PLEKHG5: variants seen among roughly 807,000 people sequenced by gnomAD.
PLEKHG5 encodes the protein pleckstrin homology and RhoGEF domain containing G5.
PLEKHG5 carries 52 observed loss-of-function variants against 103.8 expected under a neutral mutation model. The observed-to-expected ratio is 0.50, with a 90% CI of 0.40 to 0.63. PLEKHG5 has a LOEUF of 0.63. Among genes scored for constraint, PLEKHG5 ranks in the 30% least tolerant of loss-of-function variants. The pLI, the probability that PLEKHG5 is intolerant of heterozygous loss-of-function variation, is 0.00. For missense variants in PLEKHG5, 1,205 were observed against 1,347.6 expected, an observed-to-expected ratio of 0.89 and a Z score of 1.66; for synonymous variants, 592 against 575.5, an observed-to-expected ratio of 1.03 and a Z score of -0.41.
intron 19 of PLEKHG5, 51 bp downstream of exon 19, chr1:6,468,991 C>G (rs773172137): frequency 6.8e-7 from 1 of 1,479,846 alleles, no homozygotes; most frequent in South Asian, 1.1e-5. Context: ...GAGTCCTGGG[C>G]TAGAGTACTT....
rs756844974 is a variant in PLEKHG5, at chr1:6,491,279, C to T, written c.-88+358G>A. ...TTCAGGTCCACCAACCTGTTCCGCA[C>T]TTTCAAGCTTTTTATACAGCCTTCC... is the stretch of plus-strand genomic sequence containing the variant. On this transcript the variant is annotated intron_variant, in intron 1 of 20. Coordinates refer to ENST00000377728, the MANE Select transcript of PLEKHG5 (RefSeq NM_020631.6). This position sits in a 1 kb window ranked among gnomAD's most constrained non-coding sequence, Gnocchi z 4.1. 5.9e-5 allele frequency among the ~76,000 whole-genome samples: 9 copies of T among 152,132 alleles called. No individual in the cohort carries two copies. The highest frequency in any genetic ancestry group is 1.3e-4 in the Non-Finnish European group (9 of 68,022).
upstream of PLEKHG5, among the ~76,000 whole-genome samples, chr1:6,500,602 C>CT (rs1302247963): frequency 1.4e-5 from 2 of 148,036 alleles, no homozygotes; most frequent in Non-Finnish European, 3.0e-5. Flanking sequence ...CTCCCCTAAG[C>CT]AGACCTAGAA....
At chr1:6,473,884 C>A (rs1644672787) in intron 7 of PLEKHG5, 129 bp downstream of exon 7, 3 of 937,006 alleles carry the variant, frequency 3.2e-6, no homozygotes, top group Non-Finnish European at 4.8e-6. Flanking sequence ...ACCCCATTTT[C>A]CAGAAGGGAC....
chr1:6,485,096 G>C (rs1301329424), intron 1 of PLEKHG5, among the ~76,000 whole-genome samples: 1 of 152,162 alleles, frequency 6.6e-6, no homozygotes, highest in African/African-American at 2.4e-5. Context: ...CCAAGAATTG[G>C]CGGGGACATC....
At position 6,470,756 on chromosome 1, in the gene PLEKHG5, G is replaced by C; in HGVS notation, c.1521C>G (p.Ala507=). The C allele has an allele frequency of 1.3e-6, 2 of 1,562,366 alleles. No homozygotes were observed. The highest frequency in any genetic ancestry group is 2.3e-5 in the South Asian group (2 of 85,412). The change falls in exon 14 of 21, where the codon GCC becomes GCG. Residue 507 remains alanine (A), a synonymous_variant. Coordinates refer to ENST00000377728, the MANE Select transcript of PLEKHG5 (RefSeq NM_020631.6). Reference sequence around the variant, plus strand: ...TTACCATGGCGACGACGGCCTCCTTGGCGCGCGGCTCCTCGGTCTTCCTCA... The same window carrying C: ...TTACCATGGCGACGACGGCCTCCTTCGCGCGCGGCTCCTCGGTCTTCCTCA... ...SVLRKTEEPR[A]KEAVVAMIGS...
intron 1 of PLEKHG5, among the ~76,000 whole-genome samples, chr1:6,513,202 G>T (rs1368031018): frequency 2.0e-5 from 3 of 152,250 alleles, no homozygotes; most frequent in African/African-American, 2.4e-5. Flanking sequence ...CCCAGGGCAG[G>T]TGCCAGGGAA....
Position 6,476,025 on chromosome 1 carries a change from C to G in PLEKHG5, c.55G>C (p.Ala19Pro), listed in dbSNP as rs770387842. The G allele has an allele frequency of 6.2e-7, 1 of 1,613,290 alleles. No homozygotes were observed. Among genetic ancestry groups the G allele is most frequent in the Non-Finnish European group, 8.5e-7 (1 of 1,179,984 alleles). ...CATGACCGGGTGGACACGTTCCGGGCCAGCACAGAGCCTTGGGAGAAAGCA... is the reference window on the plus strand; with the variant it reads ...CATGACCGGGTGGACACGTTCCGGGGCAGCACAGAGCCTTGGGAGAAAGCA... ...FDLPPQGSVL[A>P]RNVSTRSCPP... is the part of the protein sequence containing the mutation. Residue 19 changes from alanine (A) to proline (P), a missense_variant, in exon 3 of 21, where the codon GCC becomes CCC. Transcript: ENST00000377728.
intron 7 of PLEKHG5, among the ~76,000 whole-genome samples, chr1:6,473,662 C>A (rs188651688): frequency 2.5e-4 from 38 of 152,246 alleles, no homozygotes; most frequent in African/African-American, 7.0e-4. Flanking sequence ...TCCCCCAGTC[C>A]CCCAGCTTCA....
intron 1 of PLEKHG5, among the ~76,000 whole-genome samples, chr1:6,478,154 G>A (rs1370658306): frequency 1.3e-5 from 2 of 152,130 alleles, no homozygotes. Flanking sequence ...AAAGTGCTGG[G>A]ATTACAGGCG....
At chr1:6,494,118 A>ATTTT (rs36105555), upstream of PLEKHG5, among the ~76,000 whole-genome samples, 3 of 75,740 alleles carry the variant, frequency 4.0e-5, no homozygotes, top group East Asian at 5.7e-4. Context: ...CACCTGGCTA[A>ATTTT]TTTTTTTTTT....
upstream of PLEKHG5, among the ~76,000 whole-genome samples, chr1:6,495,099 C>T (rs931877455): frequency 2.0e-5 from 3 of 152,238 alleles, no homozygotes; most frequent in Non-Finnish European, 2.9e-5. Context: ...CCTTATTGCC[C>T]CAGCCGCCCC....
intron 1 of PLEKHG5, among the ~76,000 whole-genome samples, chr1:6,510,825 G>A (rs1166812497): frequency 1.3e-5 from 2 of 152,134 alleles, no homozygotes; most frequent in Non-Finnish European, 2.9e-5. Flanking sequence ...AGTGGCTCAT[G>A]CCTACAATCC....
Position 6,472,429 on chromosome 1 carries a change from C to T in PLEKHG5, c.1080+98G>A, listed in dbSNP as rs1644619032. ...GACTTTCCTGCCCCCACCTCATTGC[C>T]AGGCACCTGCTCCTTCTGCAAAGGC... On this transcript the variant is annotated intron_variant, in intron 10 of 20. Coordinates refer to ENST00000377728, the MANE Select transcript of PLEKHG5 (RefSeq NM_020631.6). 7 of 898,936 alleles carry T rather than the reference C, an allele frequency of 7.8e-6. No individual in the cohort carries two copies. The South Asian group carries it at 9.8e-5, about 13-fold the overall frequency. 55.7% of individuals were successfully genotyped at this position (898,936 alleles called of 1,614,324 possible). A position where few individuals can be genotyped will look rare whatever the true frequency, so the allele number is the denominator to read the frequency against.
upstream of PLEKHG5, chr1:6,496,418 T>G (rs1338728633): frequency 1.7e-6 from 2 of 1,159,428 alleles, no homozygotes; most frequent in Non-Finnish European, 2.6e-6. Flanking sequence ...GGATAGCTGG[T>G]GCTGGGATAG....
intron 5 of PLEKHG5, 116 bp downstream of exon 5, chr1:6,474,931 C>T: frequency 5.0e-6 from 4 of 801,900 alleles, no homozygotes; most frequent in Middle Eastern, 3.2e-4. Context: ...GGGATGCGCT[C>T]GCTCACGGGC....
Position 6,470,829 on chromosome 1 carries a change from T to G in PLEKHG5, c.1448A>C (p.Lys483Thr). Reference protein sequence around the residue: ...QRLKLSDMLAKPHQRLTKYPL... With the variant: ...QRLKLSDMLATPHQRLTKYPL... ...GTACTTGGTGAGCCGCTGGTGGGGT[T>G]TGGCCAGCATGTCGCTCAGCTTCAG... is the stretch of plus-strand genomic sequence containing the variant. The change falls in exon 14 of 21, where the codon AAA becomes ACA. Residue 483 changes from lysine to threonine, a missense_variant. Transcript: ENST00000377728. The G allele has an allele frequency of 6.3e-7, 1 of 1,578,368 alleles. No individual in the cohort carries two copies. The highest frequency in any genetic ancestry group is 1.2e-5 in the South Asian group (1 of 86,672).
At chr1:6,483,861 G>A (rs1291811151) in intron 1 of PLEKHG5, among the ~76,000 whole-genome samples, 3 of 152,322 alleles carry the variant, frequency 2.0e-5, no homozygotes, top group Non-Finnish European at 4.4e-5. Context: ...CTCTTCCTGG[G>A]AGCCCCCCGT....
intron 1 of PLEKHG5, among the ~76,000 whole-genome samples, chr1:6,508,198 A>G (rs1638377038): frequency 2.6e-5 from 4 of 151,890 alleles, no homozygotes. Flanking sequence ...CCCCACTCCC[A>G]GGCATCCATT....
chr1:6,499,360 T>A (rs1033379556), upstream of PLEKHG5, among the ~76,000 whole-genome samples: 7 of 152,212 alleles, frequency 4.6e-5, no homozygotes, highest in African/African-American at 1.7e-4. Flanking sequence ...TGGTACTTCC[T>A]GGCACTGGGG....
Sources: gnomAD v4.1 joint callset for allele counts (sites outside exome capture counted in the v4.1 genomes callset) on GRCh38, gnomAD v4.1.1 for gene constraint, Gnocchi (gnomAD v3.1) non-coding constraint, MANE v1.5 for transcripts, NCBI Gene and HGNC (gene_info 2026-07-23, HGNC 2026-07-21) for gene names.